DNAH6: variants seen among roughly 807,000 people sequenced by gnomAD.
DNAH6 encodes axonemal beta dynein heavy chain 6.
DNAH6 carries 340 observed loss-of-function variants against 491.4 expected under a neutral mutation model. The observed-to-expected ratio is 0.69, with a 90% CI of 0.63 to 0.76. The LOEUF is 0.76. Ranked by LOEUF, DNAH6 falls within the 30% of genes least tolerant of loss-of-function variation. The pLI is 0.00. For synonymous variants in DNAH6, 1,603 were observed against 1,686.1 expected, an observed-to-expected ratio of 0.95 and a Z score of 1.21; for missense variants, 4,443 against 4,972.2, an observed-to-expected ratio of 0.89 and a Z score of 3.20.
chr2:84,603,469 G>A (rs999853824), intron 18 of DNAH6, among the ~76,000 whole-genome samples: 1 of 151,994 alleles, frequency 6.6e-6, no homozygotes, highest in African/African-American at 2.4e-5. Context: ...CTGAGAATCT[G>A]TCACCCGCAG....
Position 84,686,532 on chromosome 2 carries a change from C to A in DNAH6, c.7112C>A (p.Pro2371His). ...GACCTGGAATATTTTTTGAATAAGC[C>A]CATCATATTTGGAGATTTCATTAAG... ...AIDLEYFLNK[P>H]IIFGDFIKFG... The change falls in exon 44 of 77, where the codon CCC becomes CAC. Residue 2371 changes from proline (P) to histidine (H), a missense_variant. Transcript: ENST00000389394. 6.5e-7 allele frequency: 1 copy of A among 1,535,716 alleles called. No individual in the cohort carries two copies. The highest frequency in any genetic ancestry group is 1.4e-5 in the African/African-American group (1 of 72,570).
At chr2:84,641,557 C>G (rs888585053) in intron 32 of DNAH6, among the ~76,000 whole-genome samples, 1 of 152,094 alleles carries the variant, frequency 6.6e-6, no homozygotes, top group African/African-American at 2.4e-5. Context: ...CAGGAGCTTT[C>G]TAGAAAAGGG....
chr2:84,710,332 A>T lies in DNAH6; in HGVS notation c.9298A>T (p.Ile3100Phe). ...CAAGGAAAGCAAAAGTGGTTTAAAG[A>T]TCATTAAGCTTACAGATAGTAATTT... ...RNKESKSGLK[I>F]IKLTDSNFLR... is the part of the protein sequence containing the mutation. The change falls in exon 56 of 77, where the codon ATC becomes TTC. Residue 3100 changes from isoleucine to phenylalanine, a missense_variant. Around this residue, in one of 3 missense-constraint regions of DNAH6, gnomAD observed 1,463 missense variants for 1,656.6 expected, o/e 0.88. Transcript: ENST00000389394. 1 of 1,551,738 alleles carries T rather than the reference A, an allele frequency of 6.4e-7. No individual in the cohort carries two copies. Among genetic ancestry groups the T allele is most frequent in the Non-Finnish European group, 8.7e-7 (1 of 1,146,974 alleles).
Position 84,686,052 on chromosome 2 carries a change from G to A in DNAH6, c.7064-432G>A, listed in dbSNP as rs151003057. ...AAATCCAAAAAAATAGCTGGGTGTG[G>A]TGGTGTGCACCTATAATCTCAGCTA... On this transcript the variant is annotated intron_variant, in intron 43 of 76. Coordinates refer to ENST00000389394, the MANE Select transcript of DNAH6 (RefSeq NM_001370.2). 1.9e-3 allele frequency among the ~76,000 whole-genome samples: 293 copies of A among 152,128 alleles called. 6 individuals carry two copies. In the East Asian group the frequency reaches 0.052, roughly 27 times the overall value.
intron 33 of DNAH6, among the ~76,000 whole-genome samples, chr2:84,648,926 A>G (rs1311412000): frequency 6.6e-6 from 1 of 152,212 alleles, no homozygotes; most frequent in Non-Finnish European, 1.5e-5. Context: ...TATCTTTCAC[A>G]AAAGAGTCGA....
At chr2:84,705,198 G>A (rs747818401) in intron 51 of DNAH6, among the ~76,000 whole-genome samples, 11 of 152,132 alleles carry the variant, frequency 7.2e-5, no homozygotes, top group Non-Finnish European at 1.3e-4. Context: ...TGCCTGCGGC[G>A]TTTTAAAAAT....
In DNAH6 at chr2:84,815,954, C is replaced by A; in HGVS notation, c.12244C>A (p.Pro4082Thr). The A allele has an allele frequency of 6.4e-7, 1 of 1,551,852 alleles. No individual in the cohort carries two copies. Among genetic ancestry groups the A allele is most frequent in the Non-Finnish European group, 8.7e-7 (1 of 1,147,052 alleles). Residue 4082 changes from proline (P) to threonine (T), a missense_variant, in exon 76 of 77, where the codon CCC (proline) becomes ACC (threonine). Physicochemically the swap from Pro to Thr is conservative, Grantham distance 38. This residue lies in a region of DNAH6 where 1,463 missense variants were observed against 1,656.6 expected (regional missense o/e 0.88). Coordinates refer to ENST00000389394, the MANE Select transcript of DNAH6 (RefSeq NM_001370.2). ...GGAGATGGTGATAGAAGATGCATTG[C>A]CCGGACAGATGAATCCAGTGCTGCC... Reference protein sequence around the residue: ...DKEMVIEDALPGQMNPVLPVV... With the variant: ...DKEMVIEDALTGQMNPVLPVV...
chr2:84,642,601 T>G (rs1460340618), intron 33 of DNAH6, among the ~76,000 whole-genome samples: 1 of 152,154 alleles, frequency 6.6e-6, no homozygotes, highest in East Asian at 1.9e-4. Flanking sequence ...ATACCATTTC[T>G]TTTTCTTTTT....
the DNAH6 span, among the ~76,000 whole-genome samples, chr2:84,491,057 A>G: frequency 6.6e-6 from 1 of 152,218 alleles, no homozygotes; most frequent in Non-Finnish European, 1.5e-5. Context: ...GAGATTAAAA[A>G]TAAGGTAGCT....
the DNAH6 span, among the ~76,000 whole-genome samples, chr2:84,501,423 T>A: frequency 6.6e-6 from 1 of 151,940 alleles, no homozygotes; most frequent in Non-Finnish European, 1.5e-5. Context: ...GAATTTAGTT[T>A]GCTAGTATTT....
intron 33 of DNAH6, among the ~76,000 whole-genome samples, chr2:84,650,597 A>C (rs3922421): frequency 0.035 from 5,322 of 152,136 alleles, 142 homozygotes; most frequent in Non-Finnish European, 0.052. Flanking sequence ...TTTTAAGATA[A>C]TGATCTCACC....
At chr2:84,515,886 C>T (rs535666715), upstream of DNAH6, among the ~76,000 whole-genome samples, 6 of 152,178 alleles carry the variant, frequency 3.9e-5, no homozygotes, top group Admixed American at 3.3e-4. Context: ...CCAAGTAATA[C>T]GGGCTCATCC....
intron 4 of DNAH6, among the ~76,000 whole-genome samples, chr2:84,543,450 A>T (rs1040149614): frequency 1.3e-5 from 2 of 152,222 alleles, no homozygotes; most frequent in Non-Finnish European, 2.9e-5. Flanking sequence ...ATATTTCAAT[A>T]AGGTGCTATA....
chr2:84,664,869 G>A (rs1213126002), intron 37 of DNAH6, among the ~76,000 whole-genome samples: 5 of 152,190 alleles, frequency 3.3e-5, no homozygotes, highest in African/African-American at 1.2e-4. Context: ...CTCAACAAAT[G>A]TAAAAGAACA....
chr2:84,591,062 A>G (rs1684067177), intron 16 of DNAH6, among the ~76,000 whole-genome samples: 1 of 152,174 alleles, frequency 6.6e-6, no homozygotes. Flanking sequence ...CTCAGCTTCT[A>G]CCTGGACAGG....
At chr2:84,511,374 T>G in the DNAH6 span, among the ~76,000 whole-genome samples, 7 of 136,672 alleles carry the variant, frequency 5.1e-5, no homozygotes, top group Admixed American at 2.0e-4. Flanking sequence ...CTCCAAGCCA[T>G]GCGCGGGATA....
chr2:84,741,568 C>A (rs1227025061), intron 62 of DNAH6, among the ~76,000 whole-genome samples: 1 of 152,182 alleles, frequency 6.6e-6, no homozygotes. Flanking sequence ...AGGCAAGCAG[C>A]ATAAGCAGGA....
At chr2:84,512,641 C>T (rs914038809), upstream of DNAH6, among the ~76,000 whole-genome samples, 6 of 152,136 alleles carry the variant, frequency 3.9e-5, no homozygotes, top group South Asian at 2.1e-4. Context: ...TTTCTCCCTT[C>T]GATTCTGTTG....
chr2:84,769,162 G>A (rs760869208), intron 64 of DNAH6, among the ~76,000 whole-genome samples: 3 of 152,258 alleles, frequency 2.0e-5, no homozygotes, highest in Non-Finnish European at 4.4e-5. Flanking sequence ...GTAAGGGAGA[G>A]CCATGGGGAT....
Sources: allele counts gnomAD v4.1 joint callset (sites outside exome capture counted in the v4.1 genomes callset), GRCh38; gene constraint gnomAD v4.1.1; regional missense constraint gnomAD v4.1.1; transcripts MANE v1.5; gene names NCBI Gene and HGNC (gene_info 2026-07-23, HGNC 2026-07-21).